Variants in BDP1 observed in about 807,000 individuals in gnomAD.
BDP1 encodes transcription factor TFIIIB component B'' homolog.
BDP1 carries 169 observed loss-of-function variants against 266.6 expected under a neutral mutation model. The observed-to-expected ratio is 0.63, with a 90% confidence interval of 0.56 to 0.72. The LOEUF (loss-of-function observed/expected upper bound fraction) is 0.72, where lower values mean the gene tolerates loss of function less well. BDP1 is among the 30% of genes least tolerant of loss of function. BDP1 has a pLI of 0.00. For missense variants in BDP1, 3,015 were observed against 3,053.8 expected, an observed-to-expected ratio of 0.99 and a Z score of 0.30; for synonymous variants, 1,090 against 1,022.4, an observed-to-expected ratio of 1.07 and a Z score of -1.26.
chr5:71,489,715 ATTAC>A (rs756313314), intron 10 of BDP1, 33 bp downstream of exon 10: 11 of 1,551,676 alleles, frequency 7.1e-6, no homozygotes, highest in Non-Finnish European at 9.6e-6. Flanking sequence ...AAGCCTCTAT[ATTAC>A]TTGAGAAGAC....
intron 7 of BDP1, among the ~76,000 whole-genome samples, chr5:71,470,973 T>C (rs1163263661): frequency 6.6e-6 from 1 of 152,030 alleles, no homozygotes; most frequent in South Asian, 2.1e-4. Context: ...AGTTCTGATA[T>C]GGGTATAATC....
intron 22 of BDP1, among the ~76,000 whole-genome samples, chr5:71,518,475 G>GTGTC (rs753426675): frequency 4.6e-5 from 7 of 152,080 alleles, no homozygotes; most frequent in Non-Finnish European, 1.0e-4. Context: ...TTGAGACAAG[G>GTGTC]TGTCTCACTG....
rs776517640 is a variant in BDP1 at position 71,562,313 on chromosome 5, C to T, written c.7536C>T (p.Cys2512=). 4 of 1,602,470 alleles carry T rather than the reference C, an allele frequency of 2.5e-6. No individual in the cohort carries two copies. Among genetic ancestry groups the T allele is most frequent in the Middle Eastern group, 1.7e-4 (1 of 5,898 alleles). The change falls in exon 38 of 39, where the codon TGC becomes TGT. Residue 2512 remains cysteine, a synonymous_variant. Transcript: ENST00000358731. The part of the protein sequence containing the change: ...RRPLGFLSLI[C]SKNSLESDEP... Reference sequence around the variant, plus strand: ...CCCTGGGATTTTTATCTTTAATATGCTCAAAGAATAGTTTGGAGTCTGATG... The same window carrying T: ...CCCTGGGATTTTTATCTTTAATATGTTCAAAGAATAGTTTGGAGTCTGATG...
At chr5:71,541,362 A>G in intron 28 of BDP1, 92 bp from the exon 29 acceptor site, 1 of 581,100 alleles carries the variant, frequency 1.7e-6, no homozygotes, top group Non-Finnish European at 2.9e-6. Context: ...CTTTAATAAT[A>G]CAGAATTTTA....
In BDP1 at chr5:71,455,819, CCGGGGCTCGGGGCTGTGAGCGGCCGT is replaced by C. The variant is rs1761131331; in HGVS notation, c.-58_-33del. The stretch of plus-strand genomic sequence containing the variant: ...TCCTAATCCCCTTTCCGGGCAGCCG[CCGGGGCTCGGGGCTGTGAGCGGCCGT>C]GAGGCTGCCTCCCCGGGCCCCCTGC... On this transcript the variant is annotated 5_prime_UTR_variant, in exon 1 of 39. Transcript: ENST00000358731. 2 of 1,458,026 alleles carry C rather than the reference CCGGGGCTCGGGGCTGTGAGCGGCCGT, an allele frequency of 1.4e-6. No individual in the cohort carries two copies. The highest frequency in any genetic ancestry group is 2.5e-5 in the East Asian group (1 of 40,300). 90.3% of individuals were successfully genotyped at this position (1,458,026 alleles called of 1,614,324 possible). A position where few individuals can be genotyped will look rare whatever the true frequency, so the allele number is the denominator to read the frequency against.
chr5:71,458,995 G>A (rs1161331879), intron 2 of BDP1, 140 bp downstream of exon 2: 3 of 726,456 alleles, frequency 4.1e-6, no homozygotes, highest in Non-Finnish European at 6.6e-6. Context: ...ATCCCTTCTT[G>A]TTAATGGATT....
chr5:71,462,269 TTTACTTTA>T (rs1761624925), intron 3 of BDP1, among the ~76,000 whole-genome samples: 1 of 152,090 alleles, frequency 6.6e-6, no homozygotes, highest in Admixed American at 6.6e-5. Context: ...GGCCTTCTGT[TTTACTTTA>T]TTTGGGTATG....
At chr5:71,464,191 A>G (rs1011901185) in intron 4 of BDP1, 74 bp downstream of exon 4, 13 of 928,558 alleles carry the variant, frequency 1.4e-5, no homozygotes, top group Non-Finnish European at 1.8e-5. Flanking sequence ...GCTTCCTGTT[A>G]TAGTTGAATT....
intron 16 of BDP1, among the ~76,000 whole-genome samples, chr5:71,505,785 C>T (rs1764544901): frequency 6.6e-6 from 1 of 152,106 alleles, no homozygotes; most frequent in Non-Finnish European, 1.5e-5. Context: ...TGCTTGAGCC[C>T]AGGAATTAGA....
intron 25 of BDP1, among the ~76,000 whole-genome samples, chr5:71,532,100 A>G (rs554539008): frequency 1.6e-4 from 25 of 152,366 alleles, no homozygotes; most frequent in African/African-American, 5.8e-4. Context: ...TAATAGTCAC[A>G]GCCACCTCAA....
chr5:71,506,809 A>ACG, intron 16 of BDP1, among the ~76,000 whole-genome samples: 1 of 140,390 alleles, frequency 7.1e-6, no homozygotes, highest in Non-Finnish European at 1.6e-5. Flanking sequence ...ACACACACAC[A>ACG]CACACACACA....
Position 71,549,514 on chromosome 5 carries a change from T to C in BDP1, c.6903T>C (p.Phe2301=), listed in dbSNP as rs776419584. 4.6e-5 allele frequency: 75 copies of C among 1,614,052 alleles called. No individual in the cohort carries two copies. The highest frequency in any genetic ancestry group is 6.3e-5 in the Non-Finnish European group (74 of 1,180,010). The change falls in exon 34 of 39, where the codon TTT becomes TTC. Residue 2301 remains phenylalanine, a synonymous_variant. Transcript: ENST00000358731. ...VEIPANAVEE[F]TDATAQFMPN... is the part of the protein sequence containing the mutation. ...TCCCAGCCAATGCAGTAGAAGAATT[T>C]ACTGATGCCACTGCACAGTTCATGC...
chr5:71,493,957 A>G (rs908031041), intron 11 of BDP1, among the ~76,000 whole-genome samples: 3 of 152,226 alleles, frequency 2.0e-5, no homozygotes, highest in Admixed American at 1.3e-4. Context: ...CATGTATAAA[A>G]CAAATCTTTA....
intron 15 of BDP1, 121 bp downstream of exon 15, chr5:71,502,912 G>T (rs553419256): frequency 2.1e-4 from 166 of 781,714 alleles, no homozygotes; most frequent in South Asian, 1.6e-3. Context: ...TATTTATGAC[G>T]GAGTCTTGCT....
At chr5:71,500,871 G>A (rs1237702933) in intron 13 of BDP1, among the ~76,000 whole-genome samples, 2 of 151,864 alleles carry the variant, frequency 1.3e-5, no homozygotes, top group African/African-American at 4.8e-5. Context: ...AGGCTGAGGC[G>A]GGCTAATCAC....
intron 14 of BDP1, 134 bp from the exon 15 acceptor site, chr5:71,502,465 C>T (rs866419407): frequency 1.1e-5 from 9 of 813,554 alleles, no homozygotes; most frequent in East Asian, 2.7e-5. Context: ...CGAGCCACTG[C>T]GCCCGGGCGG....
At chr5:71,470,370 C>G in intron 6 of BDP1, 25 bp from the exon 7 acceptor site, 1 of 1,447,164 alleles carries the variant, frequency 6.9e-7, no homozygotes, top group East Asian at 2.3e-5. Flanking sequence ...AATTTTCAAT[C>G]ATTCTAAATC....
At position 71,562,410 on chromosome 5, in the gene BDP1, T is replaced by A. The variant is rs759425126; in HGVS notation, c.7633T>A (p.Ser2545Thr). The part of the protein sequence containing the change: ...IPGLRKKLKR[S>T]NPFNESQEKN... ...TGGATTAAGAAAGAAATTGAAAAGA[T>A]CTAATCCATTCAATGAAAGCCAGGA... Residue 2545 changes from serine to threonine, a missense_variant, in exon 38 of 39, where the codon TCT (serine) becomes ACT (threonine). Ser to Thr is a moderately conservative substitution (Grantham distance 58). Transcript: ENST00000358731. The A allele has an allele frequency of 1.9e-6, 3 of 1,613,950 alleles. No homozygotes were observed. Among genetic ancestry groups the A allele is most frequent in the African/African-American group, 1.3e-5 (1 of 75,002 alleles).
chr5:71,504,280 A>AC, intron 15 of BDP1, among the ~76,000 whole-genome samples: 1 of 151,666 alleles, frequency 6.6e-6, no homozygotes, highest in Admixed American at 6.6e-5. Context: ...CTCAAAAAAA[A>AC]AAAAAAAGAA....
Sources: gnomAD v4.1 joint callset for allele counts (sites outside exome capture counted in the v4.1 genomes callset) on GRCh38, gnomAD v4.1.1 for gene constraint, MANE v1.5 for transcripts, NCBI Gene and HGNC (gene_info 2026-07-23, HGNC 2026-07-21) for gene names.